The following XRRA1 variants were observed in gnomAD, a reference collection of about 807,000 sequenced individuals.
XRRA1 encodes the protein X-ray radiation resistance-associated protein 1.
In XRRA1, 69 loss-of-function variants were observed where a neutral mutation model predicts 80.2. That is an observed-to-expected ratio of 0.86 (90% CI 0.71 to 1.05). The LOEUF (loss-of-function observed/expected upper bound fraction) is 1.05. XRRA1 is among the 50% of genes least tolerant of loss of function. The probability of loss-of-function intolerance (pLI) is 0.00; values close to 1 mark genes in which losing one functional copy is unlikely to be tolerated. For synonymous variants in XRRA1, 348 were observed against 389.9 expected (o/e 0.89, Z 1.27); for missense variants, 967 against 976.4 (o/e 0.99, Z 0.13).
intron 10 of XRRA1, among the ~76,000 whole-genome samples, chr11:74,890,547 A>C (rs1591087403): frequency 6.6e-6 from 1 of 152,376 alleles, no homozygotes; most frequent in Non-Finnish European, 1.5e-5. Flanking sequence ...GAAATAACTA[A>C]GATCAGAGCA....
At position 74,843,379 on chromosome 11, in the gene XRRA1, T is replaced by TC; in HGVS notation, c.2223dup (p.Lys742GlufsTer33). The TC allele has an allele frequency of 6.2e-7, 1 of 1,612,338 alleles. No individual in the cohort carries two copies. The highest frequency in any genetic ancestry group is 2.2e-5 in the East Asian group (1 of 44,796). On this transcript the variant is annotated frameshift_variant, in exon 19 of 19. Transcript: ENST00000684022. LOFTEE classifies it low-confidence loss of function (END_TRUNC). ...TGCCGGTAACGTGCCTGGAACTCCT[T>TC]CAACAGCCTCTTGGCCTCCAGGTAC...
In XRRA1 at chr11:74,859,283, T is replaced by G; in HGVS notation, c.1045A>C (p.Thr349Pro). 1 of 1,602,864 alleles carries G rather than the reference T, an allele frequency of 6.2e-7. No individual in the cohort carries two copies. Among genetic ancestry groups the G allele is most frequent in the Non-Finnish European group, 8.5e-7 (1 of 1,175,878 alleles). Residue 349 changes from threonine (T) to proline (P), a missense_variant and splice_region_variant, in exon 12 of 19, where the codon ACA becomes CCA. Thr to Pro is a conservative substitution (Grantham distance 38, BLOSUM62 -1). Coordinates refer to ENST00000684022, the MANE Select transcript of XRRA1 (RefSeq NM_001378157.1). The part of the protein sequence containing the change: ...SSYPGFSTSE[T>P]TKICSLPPIF... ...GGAGGAAGTGAACATATCTTGGTTG[T>G]CTTAGAAAGAAGGAAAAGTCAAAAT...
intron 10 of XRRA1, among the ~76,000 whole-genome samples, chr11:74,896,941 T>G (rs896274274): frequency 1.3e-5 from 2 of 152,132 alleles, no homozygotes; most frequent in Non-Finnish European, 2.9e-5. Context: ...AAGCCCAGAT[T>G]ATGATGACTA....
chr11:74,907,217 A>T lies in XRRA1; in HGVS notation c.713T>A (p.Leu238Gln). 1 of 1,614,026 alleles carries T rather than the reference A, an allele frequency of 6.2e-7. No homozygotes were observed. Among genetic ancestry groups the T allele is most frequent in the Non-Finnish European group, 8.5e-7 (1 of 1,179,878 alleles). The change falls in exon 9 of 19, where the codon CTG becomes CAG. Residue 238 changes from leucine to glutamine, a missense_variant. Physicochemically the swap from Leu to Gln is moderately radical, Grantham distance 113. Transcript: ENST00000684022. Reference protein sequence around the residue: ...SKRYILRFPALETLMLDDNRL... With the variant: ...SKRYILRFPAQETLMLDDNRL... ...GTTGTCATCCAGCATCAGTGTCTCC[A>T]GCGCTGGGAACCTCAGGATGTACCT...
chr11:74,885,154 C>T (rs2048711735), intron 10 of XRRA1, among the ~76,000 whole-genome samples: 1 of 151,902 alleles, frequency 6.6e-6, no homozygotes, highest in African/African-American at 2.4e-5. Flanking sequence ...GTTCCAGCTA[C>T]TTGGGAGGCT....
intron 11 of XRRA1, 73 bp from the exon 12 acceptor site, chr11:74,859,356 T>C: frequency 6.7e-7 from 1 of 1,492,290 alleles, no homozygotes; most frequent in South Asian, 1.2e-5. Context: ...ACAGACCCTT[T>C]CAATGGAACA....
Position 74,890,974 on chromosome 11 carries a change from A to G in XRRA1, c.1003+15265T>C, listed in dbSNP as rs549091561. On this transcript the variant is annotated intron_variant, in intron 10 of 18. Coordinates refer to ENST00000684022, the MANE Select transcript of XRRA1 (RefSeq NM_001378157.1). ...TTCACAGCTGAATTCTACTAGAGGT[A>G]CAAGGAGGAGCTGGTACCATTCCTT... Among the ~76,000 whole-genome samples the G allele has an allele frequency of 2.6e-5, 4 of 152,338 alleles. No homozygotes were observed. The South Asian group carries it at 8.3e-4, about 32-fold the overall frequency.
intron 11 of XRRA1, 104 bp downstream of exon 11, chr11:74,862,877 G>T: frequency 9.6e-7 from 1 of 1,043,948 alleles, no homozygotes; most frequent in Non-Finnish European, 1.4e-6. Context: ...TCCTCAGTGT[G>T]ATCTATAGAA....
intron 10 of XRRA1, among the ~76,000 whole-genome samples, chr11:74,884,174 T>A (rs540111866): frequency 6.7e-5 from 10 of 148,850 alleles, no homozygotes; most frequent in East Asian, 1.9e-4. Context: ...AAAAAAAAAA[T>A]TATTTTTTTC....
At chr11:74,906,976 A>G in intron 9 of XRRA1, 169 bp downstream of exon 9, 1 of 827,370 alleles carries the variant, frequency 1.2e-6, no homozygotes, top group Non-Finnish European at 1.8e-6. Flanking sequence ...ATTTTTATGG[A>G]GGAGCCAAAG....
At chr11:74,919,580 C>T (rs758597608) in intron 8 of XRRA1, 55 of 491,650 alleles carry the variant, frequency 1.1e-4, no homozygotes, top group Middle Eastern at 6.5e-4. Context: ...AGCCGGGACC[C>T]GGCAGAATGG....
At chr11:74,871,545 A>G (rs1361424877) in intron 10 of XRRA1, among the ~76,000 whole-genome samples, 1 of 152,208 alleles carries the variant, frequency 6.6e-6, no homozygotes, top group Non-Finnish European at 1.5e-5. Context: ...CAGTCATATC[A>G]GGCAATCCAA....
At chr11:74,919,569 A>T (rs1377609567) in intron 8 of XRRA1, 3 of 446,274 alleles carry the variant, frequency 6.7e-6, no homozygotes, top group Admixed American at 6.1e-5. Flanking sequence ...CCTAAGAATG[A>T]AGCCGGGACC....
intron 10 of XRRA1, among the ~76,000 whole-genome samples, chr11:74,890,899 A>T (rs999118687): frequency 6.6e-6 from 1 of 152,198 alleles, no homozygotes; most frequent in Non-Finnish European, 1.5e-5. Context: ...GCTGAAATTG[A>T]GACAATAATT....
intron 10 of XRRA1, among the ~76,000 whole-genome samples, chr11:74,894,470 TCA>T (rs1394439696): frequency 6.6e-6 from 1 of 152,224 alleles, no homozygotes; most frequent in Non-Finnish European, 1.5e-5. Flanking sequence ...GAAAATTGAC[TCA>T]CAGTTCTGTA....
chr11:74,843,699 C>CA, intron 18 of XRRA1, 155 bp downstream of exon 18: 2 of 820,200 alleles, frequency 2.4e-6, no homozygotes, highest in Non-Finnish European at 3.8e-6. Flanking sequence ...CTCCCTGCCT[C>CA]ACGCTGGCTC....
intron 11 of XRRA1, 71 bp from the exon 12 acceptor site, chr11:74,859,354 T>A: frequency 6.7e-7 from 1 of 1,501,808 alleles, no homozygotes; most frequent in South Asian, 1.2e-5. Flanking sequence ...CAACAGACCC[T>A]TTCAATGGAA....
At chr11:74,870,916 T>C (rs592045) in intron 10 of XRRA1, among the ~76,000 whole-genome samples, 123,393 of 152,176 alleles carry the variant, frequency 0.81, 50,184 homozygotes, top group African/African-American at 0.85. Context: ...TTTAAGGCAC[T>C]TATTCTGCCT....
chr11:74,897,326 GA>G (rs2052560927), intron 10 of XRRA1, among the ~76,000 whole-genome samples: 1 of 151,462 alleles, frequency 6.6e-6, no homozygotes, highest in Admixed American at 6.6e-5. Context: ...GAAGACAAAA[GA>G]AAAAAGAATA....
Sources: allele counts gnomAD v4.1 joint callset (sites outside exome capture counted in the v4.1 genomes callset), GRCh38; gene constraint gnomAD v4.1.1; transcripts MANE v1.5; gene names NCBI Gene and HGNC (gene_info 2026-07-23, HGNC 2026-07-21).